EML6: variants seen among roughly 807,000 people sequenced by gnomAD.
EML6 encodes echinoderm microtubule-associated protein-like 6.
In EML6, 154 loss-of-function variants were observed where a neutral mutation model predicts 240.1. The observed-to-expected ratio is 0.64, with a 90% CI of 0.56 to 0.73. EML6 has a LOEUF of 0.73. Ranked by LOEUF, EML6 falls within the 30% of genes least tolerant of loss-of-function variation. The probability of loss-of-function intolerance (pLI) is 0.00; values close to 1 mark genes in which losing one functional copy is unlikely to be tolerated. For missense variants in EML6, 2,964 were observed against 2,474.6 expected, an observed-to-expected ratio of 1.20 and a Z score of -4.20; for synonymous variants, 1,148 against 899.0, an observed-to-expected ratio of 1.28 and a Z score of -4.95.
Position 54,863,847 on chromosome 2 carries a change from C to T in EML6, c.1890C>T (p.Asp630=). The change falls in exon 13 of 42, where the codon GAC becomes GAT. Residue 630 remains aspartate (D), a synonymous_variant. Transcript: ENST00000356458. ...DSDLSDVPEL[D]SDIEQEAQIN... The stretch of plus-strand genomic sequence containing the variant: ...ATTTATCTGATGTGCCCGAACTGGA[C>T]TCTGATATTGAGCAAGAAGCTCAAA... 6.5e-7 allele frequency: 1 copy of T among 1,548,624 alleles called. No individual in the cohort carries two copies. The highest frequency in any genetic ancestry group is 8.7e-7 in the Non-Finnish European group (1 of 1,145,612).
At chr2:54,948,587 A>G (rs552555889) in intron 28 of EML6, among the ~76,000 whole-genome samples, 12 of 152,156 alleles carry the variant, frequency 7.9e-5, no homozygotes, top group Admixed American at 7.9e-4. Context: ...TCAAGCCCAC[A>G]TGTTCTTCCT....
chr2:54,859,540 A>G lies in EML6; in HGVS notation c.1664A>G (p.Lys555Arg). 1 of 1,548,390 alleles carries G rather than the reference A, an allele frequency of 6.5e-7. No homozygotes were observed. The highest frequency in any genetic ancestry group is 1.2e-5 in the South Asian group (1 of 82,740). ...FKFPCLKRGA[K>R]FRKYVGHSAH... is the part of the protein sequence containing the mutation. ...TCAAAAAATATTCTTTCAGGAGCCA[A>G]ATTTAGAAAGTATGTGGGCCATTCT... The change falls in exon 12 of 42, where the codon AAA becomes AGA. Residue 555 changes from lysine (K) to arginine (R), a missense_variant. Transcript: ENST00000356458.
In EML6 at chr2:54,954,044, G is replaced by A. The variant is rs368943496; in HGVS notation, c.4374G>A (p.Arg1458=). 7.7e-5 allele frequency: 119 copies of A among 1,551,932 alleles called. 1 individual carries two copies. In the African/African-American group the frequency reaches 1.3e-3, roughly 17 times the overall value. ...CCAAACACACCCTCTCCATGCTGCGGTGCTTCCACTCCAAGGGGGTGAATT... is the reference window on the plus strand; with the variant it reads ...CCAAACACACCCTCTCCATGCTGCGATGCTTCCACTCCAAGGGGGTGAATT... ...AMTKHTLSML[R]CFHSKGVNYI... is the part of the protein sequence containing the mutation. The change falls in exon 32 of 42, where the codon CGG becomes CGA. Residue 1458 remains arginine (R), a synonymous_variant. Coordinates refer to ENST00000356458, the MANE Select transcript of EML6 (RefSeq NM_001039753.4).
chr2:54,848,326 C>T (rs776365121), intron 9 of EML6, among the ~76,000 whole-genome samples: 4 of 152,058 alleles, frequency 2.6e-5, no homozygotes, highest in South Asian at 2.1e-4. Context: ...AAATATTTCC[C>T]GCTTTGCACA....
rs901568145 is a variant in EML6 at position 54,963,857 on chromosome 2, A to C, written c.5158-129A>C. On this transcript the variant is annotated intron_variant, in intron 36 of 41. Transcript: ENST00000356458. ...GTTATTCAGGGACATTTACTCTAAG[A>C]AGCAAGAGATTTGGTGGCCTGCAGT... is the stretch of plus-strand genomic sequence containing the variant. 13 of 760,614 alleles carry C rather than the reference A, an allele frequency of 1.7e-5. No homozygotes were observed. In the Admixed American group the frequency reaches 3.0e-4, roughly 18 times the overall value. 47.1% of individuals were successfully genotyped at this position (760,614 alleles called of 1,614,324 possible).
In EML6 at chr2:54,859,762, G is replaced by C. The variant is rs1347341855; in HGVS notation, c.1825+61G>C. ...TTTTCAATAGGCATTTCAAAGAATG[G>C]TCTAACATGTATTCTATAGGTAAAG... On this transcript the variant is annotated intron_variant, in intron 12 of 41. Coordinates refer to ENST00000356458, the MANE Select transcript of EML6 (RefSeq NM_001039753.4). 2.2e-6 allele frequency: 3 copies of C among 1,384,244 alleles called. No individual in the cohort carries two copies. In the African/African-American group the frequency reaches 4.4e-5, roughly 20 times the overall value. 85.7% of individuals were successfully genotyped at this position (1,384,244 alleles called of 1,614,324 possible). A position where few individuals can be genotyped will look rare whatever the true frequency, so the allele number is the denominator to read the frequency against.
intron 8 of EML6, 78 bp downstream of exon 8, chr2:54,844,326 A>G (rs1013799894): frequency 8.0e-6 from 9 of 1,125,894 alleles, no homozygotes; most frequent in South Asian, 2.7e-5. Context: ...TAATAGAAGG[A>G]TAAAGTGCAG....
chr2:54,861,958 C>G (rs964775653), intron 12 of EML6, among the ~76,000 whole-genome samples: 1 of 151,940 alleles, frequency 6.6e-6, no homozygotes, highest in Non-Finnish European at 1.5e-5. Flanking sequence ...GTCAAGAGAG[C>G]AATATAAGAA....
intron 13 of EML6, among the ~76,000 whole-genome samples, chr2:54,864,731 G>A (rs746299123): frequency 6.6e-6 from 1 of 152,170 alleles, no homozygotes; most frequent in Non-Finnish European, 1.5e-5. Flanking sequence ...CCATGTCCAC[G>A]TTGCTTGTCG....
intron 17 of EML6, chr2:54,882,911 A>G (rs527636888): frequency 6.7e-6 from 1 of 148,910 alleles, no homozygotes; most frequent in African/African-American, 2.5e-5. Context: ...TGCATATGGC[A>G]GGCGTATCGA....
intron 2 of EML6, among the ~76,000 whole-genome samples, chr2:54,746,437 G>A (rs1488270655): frequency 6.6e-5 from 10 of 152,048 alleles, no homozygotes; most frequent in East Asian, 5.8e-4. Flanking sequence ...TTGTGATTTC[G>A]TTTGTTTTTA....
chr2:54,905,867 CTTACT>C (rs1558671165), intron 24 of EML6, among the ~76,000 whole-genome samples: 3 of 152,158 alleles, frequency 2.0e-5, no homozygotes, highest in African/African-American at 7.2e-5. Flanking sequence ...TCAGAATTTC[CTTACT>C]TTAAAGACTG....
chr2:54,888,523 C>G (rs1429316471), intron 17 of EML6, among the ~76,000 whole-genome samples: 2 of 152,184 alleles, frequency 1.3e-5, no homozygotes, highest in East Asian at 3.8e-4. Context: ...TTCATCCCTC[C>G]TCCCTCCTCT....
intron 32 of EML6, among the ~76,000 whole-genome samples, chr2:54,955,919 A>C (rs1249971726): frequency 6.6e-6 from 1 of 152,196 alleles, no homozygotes; most frequent in Admixed American, 6.5e-5. Context: ...TCTTACTTAC[A>C]GATAAATAGC....
chr2:54,959,088 G>A lies in EML6; in HGVS notation c.4696-16G>A. 6.5e-7 allele frequency: 1 copy of A among 1,545,856 alleles called. No homozygotes were observed. The highest frequency in any genetic ancestry group is 1.2e-5 in the South Asian group (1 of 83,034). Reference sequence around the variant, plus strand: ...TGAGTGTGTTCCGGGTGTAGAAGATGTTGTTTTGTTTACAGAACAATCTCA... The same window carrying A: ...TGAGTGTGTTCCGGGTGTAGAAGATATTGTTTTGTTTACAGAACAATCTCA... On this transcript the variant is annotated splice_polypyrimidine_tract_variant and intron_variant, in intron 33 of 41. Coordinates refer to ENST00000356458, the MANE Select transcript of EML6 (RefSeq NM_001039753.4).
At chr2:54,788,830 T>G (rs1669237594) in intron 2 of EML6, among the ~76,000 whole-genome samples, 1 of 152,238 alleles carries the variant, frequency 6.6e-6, no homozygotes. Flanking sequence ...TTGACTTTAT[T>G]GTTTAAAATA....
intron 9 of EML6, among the ~76,000 whole-genome samples, chr2:54,849,755 T>G (rs1669970245): frequency 6.6e-6 from 1 of 152,276 alleles, no homozygotes; most frequent in Admixed American, 6.5e-5. Flanking sequence ...CCCAAAGTGC[T>G]GGGATTACAG....
intron 28 of EML6, among the ~76,000 whole-genome samples, chr2:54,940,257 T>A (rs559301649): frequency 6.6e-6 from 1 of 152,214 alleles, no homozygotes; most frequent in Non-Finnish European, 1.5e-5. Context: ...CCTCATTCTT[T>A]CTGAGTTGAT....
intron 17 of EML6, 45 bp from the exon 18 acceptor site, chr2:54,891,009 G>A (rs1672437595): frequency 3.3e-6 from 3 of 922,182 alleles, no homozygotes; most frequent in Admixed American, 4.5e-5. Context: ...AACTGTTACT[G>A]CTTCCATCCA....
Sources: allele counts gnomAD v4.1 joint callset (sites outside exome capture counted in the v4.1 genomes callset), GRCh38; gene constraint gnomAD v4.1.1; transcripts MANE v1.5; gene names NCBI Gene and HGNC (gene_info 2026-07-23, HGNC 2026-07-21).